Variants in AGMO observed in about 807,000 individuals in gnomAD.
The protein encoded by AGMO is alkylglycerol monooxygenase.
AGMO carries 75 observed loss-of-function variants against 60.2 expected under a neutral mutation model. The observed-to-expected ratio is 1.25, with a 90% CI of 1.03 to 1.51. The LOEUF (loss-of-function observed/expected upper bound fraction) is 1.51. Ranked by LOEUF, AGMO falls within the 40% of genes most tolerant of loss-of-function variation. The pLI is 0.00. For missense variants in AGMO, 763 were observed against 525.5 expected (o/e 1.45, Z -4.42); for synonymous variants, 261 against 177.1 (o/e 1.47, Z -3.76).
In AGMO at chr7:15,389,961, G is replaced by A. The variant is rs567228901; in HGVS notation, c.822+710C>T. ...TGAGCCAGTAAGTTCCTCACTTACCGAATGTTGTAACCAGTCCCCCGTACA... is the reference window on the plus strand; with the variant it reads ...TGAGCCAGTAAGTTCCTCACTTACCAAATGTTGTAACCAGTCCCCCGTACA... On this transcript the variant is annotated intron_variant, in intron 8 of 12. Transcript: ENST00000342526. Among the ~76,000 whole-genome samples the A allele has an allele frequency of 1.2e-4, 19 of 152,248 alleles. No individual in the cohort carries two copies. The East Asian group carries it at 1.9e-3, about 15-fold the overall frequency.
At chr7:15,534,679 C>T (rs1224969995) in intron 3 of AGMO, among the ~76,000 whole-genome samples, 1 of 151,510 alleles carries the variant, frequency 6.6e-6, no homozygotes, top group Non-Finnish European at 1.5e-5. Flanking sequence ...ACCAAGTTTC[C>T]CTAGCTTTGG....
intron 12 of AGMO, among the ~76,000 whole-genome samples, chr7:15,211,324 G>A (rs929587427): frequency 1.1e-4 from 16 of 152,026 alleles, no homozygotes; most frequent in African/African-American, 3.6e-4. Context: ...TGACAGATGT[G>A]ACATAAATTG....
intron 3 of AGMO, among the ~76,000 whole-genome samples, chr7:15,451,029 T>C (rs1415051412): frequency 6.6e-6 from 1 of 151,686 alleles, no homozygotes. Flanking sequence ...GTAAATATGT[T>C]AGAAAAATTG....
intron 3 of AGMO, among the ~76,000 whole-genome samples, chr7:15,432,379 T>TATATATAC (rs373845365): frequency 5.9e-5 from 8 of 136,194 alleles, no homozygotes; most frequent in African/African-American, 1.7e-4. Context: ...CATATATATA[T>TATATATAC]ACACTATCTG....
intron 12 of AGMO, among the ~76,000 whole-genome samples, chr7:15,362,043 A>T (rs1782787980): frequency 6.6e-6 from 1 of 152,182 alleles, no homozygotes; most frequent in African/African-American, 2.4e-5. Context: ...GTGTCCTTAT[A>T]GTACAATCAC....
chr7:15,405,056 A>C (rs948304593), intron 5 of AGMO, among the ~76,000 whole-genome samples: 5 of 151,846 alleles, frequency 3.3e-5, no homozygotes, highest in African/African-American at 1.2e-4. Flanking sequence ...TTGCCCTGTC[A>C]TTTCCATTTT....
chr7:15,305,643 G>A (rs1780593160), intron 12 of AGMO, among the ~76,000 whole-genome samples: 1 of 151,886 alleles, frequency 6.6e-6, no homozygotes, highest in East Asian at 1.9e-4. Context: ...TGATTTGGCT[G>A]TATATCTGAT....
intron 12 of AGMO, among the ~76,000 whole-genome samples, chr7:15,327,580 G>A (rs749610183): frequency 6.6e-6 from 1 of 151,850 alleles, no homozygotes; most frequent in Non-Finnish European, 1.5e-5. Context: ...ATGAGAAAAG[G>A]AGATTAGAAA....
intron 3 of AGMO, among the ~76,000 whole-genome samples, chr7:15,455,895 G>C (rs1487949454): frequency 6.6e-6 from 1 of 151,810 alleles, no homozygotes; most frequent in Non-Finnish European, 1.5e-5. Context: ...CGAGATTTTT[G>C]GTTTTTTGTT....
chr7:15,412,763 C>G (rs1376591968), intron 5 of AGMO, among the ~76,000 whole-genome samples: 1 of 149,820 alleles, frequency 6.7e-6, no homozygotes, highest in Admixed American at 6.7e-5. Context: ...TGCCCTAAGG[C>G]TAAAGGCGGT....
downstream of AGMO, among the ~76,000 whole-genome samples, chr7:15,198,015 TG>T (rs1288363392): frequency 2.0e-5 from 3 of 152,168 alleles, no homozygotes; most frequent in African/African-American, 7.2e-5. Flanking sequence ...CTAACAGGAT[TG>T]TAGAGACTAA....
At chr7:15,266,501 C>A (rs1007123864) in intron 12 of AGMO, among the ~76,000 whole-genome samples, 10 of 151,972 alleles carry the variant, frequency 6.6e-5, no homozygotes, top group African/African-American at 2.4e-4. Flanking sequence ...GTGTTTCCCC[C>A]TGGACAATGC....
chr7:15,387,939 G>A (rs867374043), intron 8 of AGMO, among the ~76,000 whole-genome samples: 4 of 132,088 alleles, frequency 3.0e-5, no homozygotes, highest in Admixed American at 8.1e-5. Context: ...ACAGAGTCTC[G>A]CTCTGTTGCC....
chr7:15,288,798 GAAGA>G (rs1052537820), intron 12 of AGMO, among the ~76,000 whole-genome samples: 8 of 147,196 alleles, frequency 5.4e-5, no homozygotes, highest in South Asian at 2.1e-4. Context: ...TATGCATGGA[GAAGA>G]AAGAACATTA....
At chr7:15,304,510 T>C (rs917409848) in intron 12 of AGMO, among the ~76,000 whole-genome samples, 1 of 152,116 alleles carries the variant, frequency 6.6e-6, no homozygotes, top group Admixed American at 6.6e-5. Flanking sequence ...TAGGGTTTGT[T>C]ACATCAGTTT....
At chr7:15,340,318 G>T (rs1418373063) in intron 12 of AGMO, among the ~76,000 whole-genome samples, 2 of 152,186 alleles carry the variant, frequency 1.3e-5, no homozygotes, top group Non-Finnish European at 2.9e-5. Context: ...AGTACTCAAA[G>T]TTTTAGATTT....
At chr7:15,334,463 G>A (rs553401515) in intron 12 of AGMO, among the ~76,000 whole-genome samples, 1 of 152,122 alleles carries the variant, frequency 6.6e-6, no homozygotes, top group Admixed American at 6.6e-5. Context: ...TAGGTGATTA[G>A]AAAACAGCAA....
rs747262929 is a variant in AGMO at position 15,366,205 on chromosome 7, A to G, written c.1092T>C (p.Thr364=). The stretch of plus-strand genomic sequence containing the variant: ...TAATGAAGCAAACCCTCAGAAGGAG[A>G]GTAACTTGCGACAGTGCCTGTCAAA... ...FADTAALSQV[T]LLLRVCFIIL... is the part of the protein sequence containing the mutation. Residue 364 remains threonine, a synonymous_variant, in exon 11 of 13, where the codon ACT becomes ACC. Coordinates refer to ENST00000342526, the MANE Select transcript of AGMO (RefSeq NM_001004320.2). 1.9e-6 allele frequency: 3 copies of G among 1,606,582 alleles called. No individual in the cohort carries two copies. The highest frequency in any genetic ancestry group is 2.6e-6 in the Non-Finnish European group (3 of 1,175,984).
intron 5 of AGMO, among the ~76,000 whole-genome samples, chr7:15,395,222 T>C (rs949799382): frequency 6.6e-6 from 1 of 152,190 alleles, no homozygotes; most frequent in Admixed American, 6.5e-5. Context: ...TTGGAGGACA[T>C]ATGAGGAATA....
Sources: gnomAD v4.1 joint callset for allele counts (sites outside exome capture counted in the v4.1 genomes callset) on GRCh38, gnomAD v4.1.1 for gene constraint, MANE v1.5 for transcripts, NCBI Gene and HGNC (gene_info 2026-07-23, HGNC 2026-07-21) for gene names.